The following FOCAD variants were observed in gnomAD, a reference collection of about 807,000 sequenced individuals.
FOCAD encodes the protein KIAA1797.
In FOCAD, 198 loss-of-function variants were observed where a neutral mutation model predicts 225.6. The ratio of observed to expected loss-of-function variants is 0.88; its 90% CI spans 0.78 to 0.99. The LOEUF is 0.99. FOCAD is among the 50% of genes least tolerant of loss of function. The probability of loss-of-function intolerance (pLI) is 0.00; values close to 1 mark genes in which losing one functional copy is unlikely to be tolerated. For synonymous variants in FOCAD, 897 were observed against 755.0 expected (o/e 1.19, Z -3.08); for missense variants, 2,713 against 2,123.6 (o/e 1.28, Z -5.46).
intron 28 of FOCAD, 112 bp downstream of exon 28, chr9:20,933,215 A>G (rs1587652102): frequency 2.7e-6 from 2 of 734,060 alleles, no homozygotes; most frequent in Admixed American, 5.2e-5. Context: ...TTATTTCCAT[A>G]GGTTATTGGG....
chr9:20,759,224 A>G (rs1031306865), intron 6 of FOCAD, among the ~76,000 whole-genome samples: 3 of 152,210 alleles, frequency 2.0e-5, no homozygotes, highest in African/African-American at 4.8e-5. Context: ...TAAAGTTCAT[A>G]TGGAACCAAA....
intron 35 of FOCAD, among the ~76,000 whole-genome samples, chr9:20,962,396 TATA>T (rs1838820825): frequency 7.0e-6 from 1 of 142,492 alleles, no homozygotes; most frequent in Non-Finnish European, 1.5e-5. Context: ...CATACACATA[TATA>T]ATATATATAT....
chr9:20,663,047 A>G (rs940267483), intron 2 of FOCAD, among the ~76,000 whole-genome samples: 2 of 152,154 alleles, frequency 1.3e-5, no homozygotes, highest in African/African-American at 4.8e-5. Context: ...ATAAAACAAA[A>G]GGTTTTTTAC....
At chr9:20,884,622 T>C (rs1830953605) in intron 20 of FOCAD, among the ~76,000 whole-genome samples, 1 of 152,124 alleles carries the variant, frequency 6.6e-6, no homozygotes, top group South Asian at 2.1e-4. Context: ...TATTAGCTTT[T>C]TAAATCTCTT....
intron 23 of FOCAD, among the ~76,000 whole-genome samples, chr9:20,915,820 C>A (rs1833822008): frequency 6.6e-6 from 1 of 152,010 alleles, no homozygotes; most frequent in Non-Finnish European, 1.5e-5. Flanking sequence ...AGCTTTAGTG[C>A]ACAAGTGGAA....
At chr9:20,910,946 G>A (rs1230754231) in intron 22 of FOCAD, among the ~76,000 whole-genome samples, 1 of 151,972 alleles carries the variant, frequency 6.6e-6, no homozygotes, top group South Asian at 2.1e-4. Context: ...AGATTAAAAC[G>A]GTAGGCCTTC....
chr9:20,788,345 T>C (rs1820157145), intron 10 of FOCAD, among the ~76,000 whole-genome samples: 1 of 152,068 alleles, frequency 6.6e-6, no homozygotes, highest in Admixed American at 6.6e-5. Context: ...GGGATTTTTG[T>C]TTGGGTTGAT....
At chr9:20,944,387 C>G (rs1836968458) in intron 28 of FOCAD, among the ~76,000 whole-genome samples, 1 of 152,076 alleles carries the variant, frequency 6.6e-6, no homozygotes, top group African/African-American at 2.4e-5. Context: ...TTGTTTTTAT[C>G]TAGGGGGTGT....
chr9:20,800,260 T>G (rs1587218835), intron 11 of FOCAD, among the ~76,000 whole-genome samples: 1 of 152,148 alleles, frequency 6.6e-6, no homozygotes, highest in South Asian at 2.1e-4. Context: ...TCCCGACCTT[T>G]CTCTCTGGCT....
chr9:20,944,801 C>A, intron 29 of FOCAD, 27 bp downstream of exon 29: 1 of 1,585,764 alleles, frequency 6.3e-7, no homozygotes, highest in South Asian at 1.1e-5. Flanking sequence ...ACATTTTTTT[C>A]CCCTCTGCTC....
chr9:20,661,734 A>G (rs1821732745), intron 2 of FOCAD, among the ~76,000 whole-genome samples: 1 of 152,236 alleles, frequency 6.6e-6, no homozygotes, highest in Non-Finnish European at 1.5e-5. Flanking sequence ...GCCCTATGGA[A>G]GTTAATTCAG....
chr9:20,739,892 A>T (rs1167608728), intron 4 of FOCAD, among the ~76,000 whole-genome samples: 1 of 152,106 alleles, frequency 6.6e-6, no homozygotes, highest in Non-Finnish European at 1.5e-5. Flanking sequence ...TAGTCTGCTA[A>T]TATTTATAAA....
At chr9:20,971,109 C>T (rs972633221) in intron 35 of FOCAD, among the ~76,000 whole-genome samples, 2 of 152,004 alleles carry the variant, frequency 1.3e-5, no homozygotes, top group Non-Finnish European at 2.9e-5. Flanking sequence ...TTCTTTTAGC[C>T]AGTGATTAGC....
chr9:20,660,888 A>AAG (rs147407505), intron 2 of FOCAD, among the ~76,000 whole-genome samples: 18 of 150,736 alleles, frequency 1.2e-4, no homozygotes, highest in Admixed American at 1.1e-3. Flanking sequence ...GTCAAAGAGA[A>AAG]AGAGAGAGAG....
chr9:20,881,879 G>A lies in FOCAD; in HGVS notation c.2326G>A (p.Glu776Lys), dbSNP rs1437819341. The A allele has an allele frequency of 2.5e-6, 4 of 1,612,358 alleles. No homozygotes were observed. The highest frequency in any genetic ancestry group is 2.2e-5 in the East Asian group (1 of 44,872). Reference sequence around the variant, plus strand: ...CTTTTATCCTCTTTTAGCTTTGGAGGAATTTTTTACATCACTTGTGAAGCA... The same window carrying A: ...CTTTTATCCTCTTTTAGCTTTGGAGAAATTTTTTACATCACTTGTGAAGCA... ...TPPLVLPALEEFFTSLVKQEM... is the reference protein window; with the variant it reads ...TPPLVLPALEKFFTSLVKQEM... The change falls in exon 20 of 44, where the codon GAA (glutamate) becomes AAA (lysine). Residue 776 changes from glutamate (E) to lysine (K), a missense_variant. Glu to Lys is a moderately conservative substitution (Grantham distance 56). Transcript: ENST00000338382.
chr9:20,827,807 G>T (rs1289531364), intron 15 of FOCAD, among the ~76,000 whole-genome samples: 1 of 152,006 alleles, frequency 6.6e-6, no homozygotes, highest in Non-Finnish European at 1.5e-5. Flanking sequence ...GTATGAACAG[G>T]TTTAGATATC....
At chr9:20,699,852 TCTC>T (rs1275525501) in intron 1 of FOCAD, among the ~76,000 whole-genome samples, 1 of 138,654 alleles carries the variant, frequency 7.2e-6, no homozygotes, top group Non-Finnish European at 1.5e-5. Flanking sequence ...CCTTCTTCGT[TCTC>T]CTCCTCCTCC....
chr9:20,797,974 G>A lies in FOCAD; in HGVS notation c.1455+8366G>A, dbSNP rs141992768. On this transcript the variant is annotated intron_variant, in intron 11 of 43. Coordinates refer to ENST00000338382, the MANE Select transcript of FOCAD (RefSeq NM_001375567.1). ...TTTTTGCCCATTCAGTATGATATTG[G>A]CTGTGGGTTTGTCATAGATAGCTCT... Among the ~76,000 whole-genome samples, 675 of 152,248 alleles carry A rather than the reference G, an allele frequency of 4.4e-3. 1 individual carries two copies. Among genetic ancestry groups the A allele is most frequent in the Non-Finnish European group, 6.0e-3 (405 of 68,020 alleles).
chr9:20,862,628 T>C lies in FOCAD; in HGVS notation c.1971T>C (p.Cys657=), dbSNP rs771359518. The change falls in exon 16 of 44, where the codon TGT becomes TGC. Residue 657 remains cysteine, a synonymous_variant. Transcript: ENST00000338382. Reference sequence around the variant, plus strand: ...ATGCTCTCTCTCCAAAGCTGAGTTGTGACACAAGACCTCTCATTCTGAAGA... The same window carrying C: ...ATGCTCTCTCTCCAAAGCTGAGTTGCGACACAAGACCTCTCATTCTGAAGA... ...TWNALSPKLS[C]DTRPLILKTL... 6.2e-7 allele frequency: 1 copy of C among 1,613,688 alleles called. No homozygotes were observed. Among genetic ancestry groups the C allele is most frequent in the South Asian group, 1.1e-5 (1 of 91,026 alleles).
Sources: allele counts gnomAD v4.1 joint callset (sites outside exome capture counted in the v4.1 genomes callset), GRCh38; gene constraint gnomAD v4.1.1; transcripts MANE v1.5; gene names NCBI Gene and HGNC (gene_info 2026-07-23, HGNC 2026-07-21).